PRR5L: variants seen among roughly 807,000 people sequenced by gnomAD.
The protein encoded by PRR5L is proline rich 5 like.
Under a neutral mutation model 36.4 loss-of-function variants are expected in PRR5L, and 21 were observed. That is an observed-to-expected ratio of 0.58 (90% confidence interval 0.41 to 0.83). The LOEUF (loss-of-function observed/expected upper bound fraction) is 0.83. PRR5L is among the 40% of genes least tolerant of loss of function. PRR5L has a pLI of 0.00. For synonymous variants in PRR5L, 188 were observed against 197.0 expected, an observed-to-expected ratio of 0.95 and a Z score of 0.38; for missense variants, 381 against 473.3, an observed-to-expected ratio of 0.80 and a Z score of 1.81.
At chr11:36,372,719 A>T (rs75494724) in intron 1 of PRR5L, among the ~76,000 whole-genome samples, 12,520 of 152,206 alleles carry the variant, frequency 0.082, 902 homozygotes, top group African/African-American at 0.19. Flanking sequence ...AGAACTAGCC[A>T]ATTACAGAGT....
At chr11:36,459,733 G>A (rs902601864) in intron 8 of PRR5L, among the ~76,000 whole-genome samples, 2 of 152,212 alleles carry the variant, frequency 1.3e-5, no homozygotes, top group Non-Finnish European at 1.5e-5. Flanking sequence ...GCTATCCTGT[G>A]TGTTAGCTGT....
At chr11:36,320,353 C>T (rs1856602727) in intron 1 of PRR5L, among the ~76,000 whole-genome samples, 2 of 150,346 alleles carry the variant, frequency 1.3e-5, no homozygotes, top group African/African-American at 4.9e-5. Flanking sequence ...AAGCGATTCT[C>T]CTGCCTCAGC....
intron 1 of PRR5L, among the ~76,000 whole-genome samples, chr11:36,369,179 C>T (rs907454776): frequency 6.6e-6 from 1 of 152,116 alleles, no homozygotes; most frequent in Non-Finnish European, 1.5e-5. Context: ...GATCTTTGAA[C>T]TGATGGGCAG....
chr11:36,302,937 C>G (rs1359278063), intron 1 of PRR5L, among the ~76,000 whole-genome samples: 1 of 152,220 alleles, frequency 6.6e-6, no homozygotes, highest in Non-Finnish European at 1.5e-5. Flanking sequence ...ATTAGCACCT[C>G]TATTTATGAG....
chr11:36,395,727 AT>A (rs35806102), intron 1 of PRR5L, among the ~76,000 whole-genome samples: 2,161 of 151,836 alleles, frequency 0.014, 51 homozygotes, highest in African/African-American at 0.049. Context: ...TTTATTAGTT[AT>A]TTTTTTTAAT....
chr11:36,423,708 G>A (rs991473191), intron 4 of PRR5L, among the ~76,000 whole-genome samples: 6 of 152,222 alleles, frequency 3.9e-5, no homozygotes, highest in Admixed American at 3.9e-4. Flanking sequence ...TCTACACAGG[G>A]GGGCTTTGAA....
intron 1 of PRR5L, among the ~76,000 whole-genome samples, chr11:36,304,214 G>A (rs12294763): frequency 0.26 from 39,812 of 152,058 alleles, 5,711 homozygotes; most frequent in Non-Finnish European, 0.31. Flanking sequence ...GAATTCATGT[G>A]TAGAGGACAT....
chr11:36,432,142 C>A (rs1473450970), intron 5 of PRR5L, among the ~76,000 whole-genome samples: 3 of 135,832 alleles, frequency 2.2e-5, no homozygotes, highest in African/African-American at 8.3e-5. Flanking sequence ...TCTTTGGAGA[C>A]CTTGTTCAGG....
rs1405010052 is a variant in PRR5L at position 36,377,522 on chromosome 11, A to G, written c.-125-23475A>G. ...CCCTGCCTGCCCAACCCTCCGGCCC[A>G]TTTTCCTTGAGGCCGCCGCCCGGGG... On this transcript the variant is annotated intron_variant, in intron 1 of 8. Transcript: ENST00000530639. This position sits in a 1 kb window ranked among gnomAD's most constrained non-coding sequence, Gnocchi z 5.1. 1 of 152,140 alleles carries G rather than the reference A, an allele frequency of 6.6e-6. No homozygotes were observed. The highest frequency in any genetic ancestry group is 1.5e-5 in the Non-Finnish European group (1 of 68,104). 9.4% of individuals were successfully genotyped at this position (152,140 alleles called of 1,614,324 possible).
At chr11:36,306,418 C>G (rs1352769927) in intron 1 of PRR5L, among the ~76,000 whole-genome samples, 1 of 152,140 alleles carries the variant, frequency 6.6e-6, no homozygotes, top group Non-Finnish European at 1.5e-5. Context: ...ATGAACTCAT[C>G]CTTTTTTATG....
At chr11:36,373,723 G>A (rs184232240) in intron 1 of PRR5L, among the ~76,000 whole-genome samples, 3 of 144,400 alleles carry the variant, frequency 2.1e-5, no homozygotes, top group South Asian at 2.1e-4. Context: ...TGGCATGCTC[G>A]TATGTTGTGA....
At chr11:36,363,167 G>A (rs1220609020) in intron 1 of PRR5L, among the ~76,000 whole-genome samples, 5 of 151,560 alleles carry the variant, frequency 3.3e-5, no homozygotes, top group Admixed American at 1.3e-4. Flanking sequence ...AAGAGTGGCC[G>A]GGAATGAGGC....
chr11:36,413,485 C>T (rs1858070702), intron 3 of PRR5L, among the ~76,000 whole-genome samples: 1 of 152,140 alleles, frequency 6.6e-6, no homozygotes, highest in African/African-American at 2.4e-5. Flanking sequence ...ATTGTTTTGA[C>T]ATGGTTCAAA....
intron 1 of PRR5L, among the ~76,000 whole-genome samples, chr11:36,318,314 C>G (rs536662729): frequency 7.9e-5 from 12 of 152,258 alleles, no homozygotes; most frequent in Non-Finnish European, 1.3e-4. Context: ...CCTATCTTTG[C>G]TTTACTTTTT....
At chr11:36,346,540 G>T (rs182703253) in intron 1 of PRR5L, among the ~76,000 whole-genome samples, 1 of 151,736 alleles carries the variant, frequency 6.6e-6, no homozygotes, top group Non-Finnish European at 1.5e-5. Flanking sequence ...CCGAGATTGC[G>T]CCACTGCACT....
At chr11:36,330,028 C>G (rs1165098207) in intron 1 of PRR5L, among the ~76,000 whole-genome samples, 1 of 152,176 alleles carries the variant, frequency 6.6e-6, no homozygotes, top group Non-Finnish European at 1.5e-5. Flanking sequence ...TCAAAGCCTT[C>G]ATAATATAAC....
intron 8 of PRR5L, among the ~76,000 whole-genome samples, chr11:36,454,432 T>C (rs1207845121): frequency 1.3e-5 from 2 of 151,984 alleles, no homozygotes; most frequent in Non-Finnish European, 2.9e-5. Context: ...GAGGAGAGCA[T>C]TGAGATCGCT....
Position 36,401,245 on chromosome 11 carries a change from C to G in PRR5L, c.124C>G (p.Arg42Gly), listed in dbSNP as rs537019006. 1 of 1,613,252 alleles carries G rather than the reference C, an allele frequency of 6.2e-7. No homozygotes were observed. Among genetic ancestry groups the G allele is most frequent in the Non-Finnish European group, 8.5e-7 (1 of 1,179,966 alleles). ...CGACCTTCCCCGATTCCAAGCAGCT[C>G]GGCAGGCTCTGCAGCTGAGCTCCAG... ...LSDLPRFQAA[R>G]QALQLSSSSA... The change falls in exon 2 of 9, where the codon CGG becomes GGG. Residue 42 changes from arginine to glycine, a missense_variant. By Grantham distance (125) the Arg-to-Gly change is moderately radical. Transcript: ENST00000530639.
chr11:36,390,823 C>T (rs551196697), intron 1 of PRR5L, among the ~76,000 whole-genome samples: 23 of 152,276 alleles, frequency 1.5e-4, no homozygotes, highest in Admixed American at 3.3e-4. Context: ...GTCAAGTGCC[C>T]GCCTCACAGT....
Sources: gnomAD v4.1 joint callset for allele counts (sites outside exome capture counted in the v4.1 genomes callset) on GRCh38, gnomAD v4.1.1 for gene constraint, Gnocchi (gnomAD v3.1) non-coding constraint, MANE v1.5 for transcripts, NCBI Gene and HGNC (gene_info 2026-07-23, HGNC 2026-07-21) for gene names.